Variants in CIDEC observed in about 807,000 individuals in gnomAD.
CIDEC encodes lipid transferase CIDEC.
CIDEC carries 11 observed loss-of-function variants against 21.9 expected under a neutral mutation model. That is an observed-to-expected ratio of 0.50 (90% confidence interval 0.32 to 0.83). CIDEC has a LOEUF of 0.83. CIDEC is among the 40% of genes least tolerant of loss of function. The pLI is 0.04. For missense variants in CIDEC, 302 were observed against 302.3 expected (o/e 1.00, Z 0.01); for synonymous variants, 127 against 124.9 (o/e 1.02, Z -0.11).
intron 4 of CIDEC, among the ~76,000 whole-genome samples, chr3:9,874,254 G>A (rs1248898811): frequency 6.6e-6 from 1 of 152,100 alleles, no homozygotes; most frequent in Non-Finnish European, 1.5e-5. Flanking sequence ...AGTGGCTCAT[G>A]CCTGTAATCC....
At chr3:9,871,173 A>ATTTTTTTTTTT (rs59917579) in intron 4 of CIDEC, among the ~76,000 whole-genome samples, 1 of 120,166 alleles carries the variant, frequency 8.3e-6, no homozygotes, top group Non-Finnish European at 1.7e-5. Context: ...TCTATGTTTA[A>ATTTTTTTTTTT]TTTTTTTTTT....
At position 9,870,098 on chromosome 3, in the gene CIDEC, C is replaced by A. The variant is rs6807477; in HGVS notation, c.367-29G>T. ...CATTGAGACAAGCAAATGGTTAGCA[C>A]CCCTTGAAGACATCTCCCAGAGTCC... On this transcript the variant is annotated intron_variant, in intron 5 of 6. Transcript: ENST00000336832. 9.9e-3 allele frequency: 15,903 copies of A among 1,613,996 alleles called. 1,264 individuals carry two copies. The African/African-American group carries it at 0.18, about 18-fold the overall frequency.
chr3:9,868,973 TTG>T (rs774815003), intron 6 of CIDEC, among the ~76,000 whole-genome samples: 14 of 150,912 alleles, frequency 9.3e-5, no homozygotes, highest in East Asian at 2.0e-4. Flanking sequence ...TGCCAGCATT[TTG>T]TGTGTGTGTG....
intron 4 of CIDEC, among the ~76,000 whole-genome samples, chr3:9,870,744 A>G (rs2082336908): frequency 6.6e-6 from 1 of 152,120 alleles, no homozygotes; most frequent in African/African-American, 2.4e-5. Flanking sequence ...GGCACAAGCA[A>G]TCCTCCTGCC....
intron 4 of CIDEC, among the ~76,000 whole-genome samples, chr3:9,873,663 G>C (rs913766987): frequency 6.6e-6 from 1 of 152,154 alleles, no homozygotes; most frequent in Non-Finnish European, 1.5e-5. Context: ...TAACTGCCTG[G>C]GTTTCAATCC....
At chr3:9,876,777 A>AAG in intron 4 of CIDEC, among the ~76,000 whole-genome samples, 1 of 151,268 alleles carries the variant, frequency 6.6e-6, no homozygotes, top group African/African-American at 2.4e-5. Context: ...AAAAAAAAAA[A>AAG]AAAAAAACTA....
At chr3:9,870,411 G>A (rs2082332464) in intron 4 of CIDEC, 89 bp from the exon 5 acceptor site, 2 of 1,589,662 alleles carry the variant, frequency 1.3e-6, no homozygotes, top group Admixed American at 1.7e-5. Flanking sequence ...GCCCTCTGCT[G>A]TGGAATCACT....
In CIDEC at chr3:9,866,908, G is replaced by A. The variant is rs2082276968; in HGVS notation, c.*226C>T. The A allele has an allele frequency of 1.6e-6, 1 of 642,658 alleles. No homozygotes were observed. The highest frequency in any genetic ancestry group is 2.7e-5 in the East Asian group (1 of 36,770). 39.8% of individuals were successfully genotyped at this position (642,658 alleles called of 1,614,324 possible). A position where few individuals can be genotyped will look rare whatever the true frequency, so the allele number is the denominator to read the frequency against. On this transcript the variant is annotated 3_prime_UTR_variant, in exon 7 of 7. Coordinates refer to ENST00000336832, the MANE Select transcript of CIDEC (RefSeq NM_001321142.2). ...TTCAGGACCAGTCTGGATGGGCTAA[G>A]CTGCCTTGGGCAGGAAGGAGCTGGA...
intron 1 of CIDEC, among the ~76,000 whole-genome samples, chr3:9,879,263 T>C (rs2082473174): frequency 6.7e-6 from 1 of 150,364 alleles, no homozygotes; most frequent in Non-Finnish European, 1.5e-5. Context: ...GCAATTATCC[T>C]GCCTCAGCCT....
intron 4 of CIDEC, among the ~76,000 whole-genome samples, chr3:9,874,420 G>A (rs1575453223): frequency 6.6e-6 from 1 of 151,864 alleles, no homozygotes; most frequent in African/African-American, 2.4e-5. Flanking sequence ...GGAGGCTGAG[G>A]TGGCAGGATC....
Position 9,870,068 on chromosome 3 carries a change from C to G in CIDEC, c.368G>C (p.Gly123Ala). The stretch of plus-strand genomic sequence containing the variant: ...GGAGAGGGACAGTGGGTGCCTTGTC[C>G]CCTGCATTGAGACAAGCAAATGGTT... ...GQKWQPPSEQ[G>A]TRHPLSLSHK... Residue 123 changes from glycine (G) to alanine (A), a missense_variant and splice_region_variant, in exon 6 of 7, where the codon GGG (glycine) becomes GCG (alanine). By Grantham distance (60) the Gly-to-Ala change is moderately conservative (BLOSUM62 0). Coordinates refer to ENST00000336832, the MANE Select transcript of CIDEC (RefSeq NM_001321142.2). The G allele has an allele frequency of 6.2e-7, 1 of 1,614,100 alleles. No individual in the cohort carries two copies. Among genetic ancestry groups the G allele is most frequent in the Non-Finnish European group, 8.5e-7 (1 of 1,179,994 alleles).
chr3:9,877,622 T>A (rs1201980393), intron 3 of CIDEC, among the ~76,000 whole-genome samples: 1 of 151,964 alleles, frequency 6.6e-6, no homozygotes, highest in African/African-American at 2.4e-5. Flanking sequence ...ATGGTGCCAC[T>A]GCACTCCAGC....
At position 9,867,055 on chromosome 3, in the gene CIDEC, A is replaced by C; in HGVS notation, c.*79T>G. ...GGAGGTTCGCGGCTCTACAGCTGCC[A>C]GGCTTGTGGGCACTACCAGTTAAGC... On this transcript the variant is annotated 3_prime_UTR_variant, in exon 7 of 7. Coordinates refer to ENST00000336832, the MANE Select transcript of CIDEC (RefSeq NM_001321142.2). 1 of 1,508,146 alleles carries C rather than the reference A, an allele frequency of 6.6e-7. No individual in the cohort carries two copies. Among genetic ancestry groups the C allele is most frequent in the Non-Finnish European group, 9.2e-7 (1 of 1,085,162 alleles). 93.4% of individuals were successfully genotyped at this position (1,508,146 alleles called of 1,614,324 possible). A position where few individuals can be genotyped will look rare whatever the true frequency, so the allele number is the denominator to read the frequency against.
intron 4 of CIDEC, among the ~76,000 whole-genome samples, chr3:9,875,102 G>A (rs2082402769): frequency 6.6e-6 from 1 of 152,148 alleles, no homozygotes; most frequent in African/African-American, 2.4e-5. Context: ...AGGGCCAGGT[G>A]TGGTGGCTCA....
At position 9,870,014 on chromosome 3, in the gene CIDEC, G is replaced by C; in HGVS notation, c.422C>G (p.Ala141Gly). The stretch of plus-strand genomic sequence containing the variant: ...CTTGTACAGATCAAACGTTACACGG[G>C]CCACATCAATCTTCTTGGCAGGCTT... The part of the protein sequence containing the change: ...SHKPAKKIDV[A>G]RVTFDLYKLN... The change falls in exon 6 of 7, where the codon GCC (alanine) becomes GGC (glycine). Residue 141 changes from alanine (A) to glycine (G), a missense_variant. By Grantham distance (60) the Ala-to-Gly change is moderately conservative (BLOSUM62 0). Transcript: ENST00000336832. 6.2e-7 allele frequency: 1 copy of C among 1,614,216 alleles called. No homozygotes were observed. The highest frequency in any genetic ancestry group is 8.5e-7 in the Non-Finnish European group (1 of 1,180,040).
intron 6 of CIDEC, among the ~76,000 whole-genome samples, chr3:9,868,381 G>A (rs1331176657): frequency 6.6e-6 from 1 of 152,220 alleles, no homozygotes; most frequent in Non-Finnish European, 1.5e-5. Context: ...AGACATCCAT[G>A]CCTGGCATGA....
Position 9,866,755 on chromosome 3 carries a change from C to G in CIDEC, c.*379G>C, listed in dbSNP as rs2082274297. 1 of 512,732 alleles carries G rather than the reference C, an allele frequency of 2.0e-6. No homozygotes were observed. Among genetic ancestry groups the G allele is most frequent in the African/African-American group, 1.9e-5 (1 of 52,716 alleles). The allele number at this position is 512,732 out of a possible 1,614,324, so 31.8% of individuals were successfully genotyped here. On this transcript the variant is annotated 3_prime_UTR_variant, in exon 7 of 7. Transcript: ENST00000336832. ...ATTGCAAACTCCCTAATATCACATG[C>G]TAGTGCGCTTGCGAATTCACTCAGG...
chr3:9,879,120 A>T, intron 1 of CIDEC, 66 bp from the exon 2 acceptor site: 1 of 330,172 alleles, frequency 3.0e-6, no homozygotes. Context: ...CCATGTGGCT[A>T]TTGAGTATTT....
At chr3:9,870,575 AT>A in intron 4 of CIDEC, 1 of 1,133,488 alleles carries the variant, frequency 8.8e-7, no homozygotes, top group Admixed American at 2.2e-5. Flanking sequence ...AAAGTGTACA[AT>A]TCAGGGTTTT....
Sources: gnomAD v4.1 joint callset for allele counts (sites outside exome capture counted in the v4.1 genomes callset) on GRCh38, gnomAD v4.1.1 for gene constraint, MANE v1.5 for transcripts, NCBI Gene and HGNC (gene_info 2026-07-23, HGNC 2026-07-21) for gene names.